GOLGA4: variants seen among roughly 807,000 people sequenced by gnomAD.
The protein encoded by GOLGA4 is golgin subfamily A member 4.
In GOLGA4, 169 loss-of-function variants were observed where a neutral mutation model predicts 265.9. That is an observed-to-expected ratio of 0.64 (90% CI 0.56 to 0.72). GOLGA4 has a LOEUF of 0.72. Among genes scored for constraint, GOLGA4 ranks in the 30% least tolerant of loss-of-function variants. The pLI is 0.00. For synonymous variants in GOLGA4, 923 were observed against 855.8 expected, an observed-to-expected ratio of 1.08 and a Z score of -1.37; for missense variants, 2,482 against 2,483.4, an observed-to-expected ratio of 1.00 and a Z score of 0.01.
At chr3:37,291,149 G>A (rs2096863589) in intron 5 of GOLGA4, among the ~76,000 whole-genome samples, 1 of 152,092 alleles carries the variant, frequency 6.6e-6, no homozygotes, top group African/African-American at 2.4e-5. Flanking sequence ...TAGGCATCAG[G>A]TTTTAATGCC....
rs2096965602 is a variant in GOLGA4, at chr3:37,324,951, A to G, written c.3065A>G (p.Glu1022Gly). 1.2e-6 allele frequency: 2 copies of G among 1,613,474 alleles called. No individual in the cohort carries two copies. The highest frequency in any genetic ancestry group is 1.1e-5 in the South Asian group (1 of 91,024). ...ATCAGTGATGCAGTGTCAAGACTGGAAACAAACCAAAAAGAACAAATAGAA... is the reference window on the plus strand; with the variant it reads ...ATCAGTGATGCAGTGTCAAGACTGGGAACAAACCAAAAAGAACAAATAGAA... ...AGISDAVSRL[E>G]TNQKEQIESL... Residue 1022 changes from glutamate to glycine, a missense_variant, in exon 14 of 24, where the codon GAA becomes GGA. Glu to Gly is a moderately conservative substitution (Grantham distance 98). Transcript: ENST00000361924.
At chr3:37,317,030 A>G (rs537624059) in intron 11 of GOLGA4, among the ~76,000 whole-genome samples, 5 of 152,296 alleles carry the variant, frequency 3.3e-5, no homozygotes, top group African/African-American at 1.2e-4. Context: ...TTGGTAGTTG[A>G]TAATTCATAG....
intron 23 of GOLGA4, among the ~76,000 whole-genome samples, chr3:37,362,800 T>TTTTTTTTTTTTTTTTTTTTG (rs1696426796): frequency 6.9e-6 from 1 of 144,732 alleles, no homozygotes; most frequent in African/African-American, 2.6e-5. Flanking sequence ...TTTTTTTTTT[T>TTTTTTTTTTTTTTTTTTTTG]GAGACGGAGT....
intron 5 of GOLGA4, among the ~76,000 whole-genome samples, chr3:37,291,248 A>G (rs2096863889): frequency 6.6e-6 from 1 of 152,282 alleles, no homozygotes; most frequent in South Asian, 2.1e-4. Flanking sequence ...TAATGTTATT[A>G]TATCTGGAAA....
chr3:37,271,139 T>G (rs1208942295), intron 2 of GOLGA4, among the ~76,000 whole-genome samples: 2 of 152,166 alleles, frequency 1.3e-5, no homozygotes, highest in Non-Finnish European at 2.9e-5. Flanking sequence ...CAGGTGTAAA[T>G]GCACATGAAG....
chr3:37,353,365 A>G (rs1001873124), intron 21 of GOLGA4, among the ~76,000 whole-genome samples: 2 of 152,068 alleles, frequency 1.3e-5, no homozygotes, highest in African/African-American at 4.8e-5. Context: ...ACCAAGAAAC[A>G]GTTTCTGTGA....
At chr3:37,362,686 A>AT (rs1182072090) in intron 23 of GOLGA4, among the ~76,000 whole-genome samples, 13 of 140,352 alleles carry the variant, frequency 9.3e-5, no homozygotes, top group South Asian at 9.0e-4. Flanking sequence ...TAAGGCACCT[A>AT]TTTTTTTATT....
chr3:37,261,539 A>G (rs1262604533), intron 2 of GOLGA4, among the ~76,000 whole-genome samples: 2 of 152,208 alleles, frequency 1.3e-5, no homozygotes, highest in Non-Finnish European at 2.9e-5. Context: ...TCTTCCAAGT[A>G]TGGTATGAAA....
intron 2 of GOLGA4, among the ~76,000 whole-genome samples, chr3:37,256,747 CATGTG>C (rs1426776096): frequency 1.3e-5 from 2 of 152,010 alleles, no homozygotes; most frequent in African/African-American, 2.4e-5. Context: ...TTTAGAGCAA[CATGTG>C]ATGTAGGATC....
intron 1 of GOLGA4, among the ~76,000 whole-genome samples, chr3:37,251,097 A>G (rs1409399114): frequency 6.6e-6 from 1 of 152,138 alleles, no homozygotes; most frequent in Admixed American, 6.5e-5. Context: ...TTTCTCTAAT[A>G]TTATCATCTT....
At chr3:37,315,364 T>A in intron 10 of GOLGA4, 56 bp from the exon 11 acceptor site, 1 of 1,455,984 alleles carries the variant, frequency 6.9e-7, no homozygotes, top group East Asian at 2.3e-5. Context: ...TGTAAAACAC[T>A]TTAGCTCAAT....
At chr3:37,322,515 T>G (rs1024716566) in intron 13 of GOLGA4, among the ~76,000 whole-genome samples, 5 of 152,182 alleles carry the variant, frequency 3.3e-5, no homozygotes, top group Admixed American at 2.6e-4. Flanking sequence ...AGTAAAACAG[T>G]CATACTTCTT....
intron 10 of GOLGA4, among the ~76,000 whole-genome samples, chr3:37,310,003 A>G (rs1357197740): frequency 3.3e-5 from 5 of 152,194 alleles, no homozygotes; most frequent in Admixed American, 3.3e-4. Context: ...TTTGCATTTC[A>G]TTCATTTTGT....
rs781529814 is a variant in GOLGA4 at position 37,324,965 on chromosome 3, G to C, written c.3079G>C (p.Glu1027Gln). 1 of 1,613,304 alleles carries C rather than the reference G, an allele frequency of 6.2e-7. No individual in the cohort carries two copies. The highest frequency in any genetic ancestry group is 8.5e-7 in the Non-Finnish European group (1 of 1,179,666). The change falls in exon 14 of 24, where the codon GAA (glutamate) becomes CAA (glutamine). Residue 1027 changes from glutamate to glutamine, a missense_variant. By Grantham distance (29) the Glu-to-Gln change is conservative (BLOSUM62 2). Transcript: ENST00000361924. Reference protein sequence around the residue: ...AVSRLETNQKEQIESLTEVHR... With the variant: ...AVSRLETNQKQQIESLTEVHR... ...GTCAAGACTGGAAACAAACCAAAAA[G>C]AACAAATAGAAAGTCTTACTGAGGT... is the stretch of plus-strand genomic sequence containing the variant.
At chr3:37,336,810 GAGAA>G (rs948039040) in intron 17 of GOLGA4, among the ~76,000 whole-genome samples, 19 of 151,084 alleles carry the variant, frequency 1.3e-4, no homozygotes, top group African/African-American at 4.1e-4. Flanking sequence ...GAAAGAAAGA[GAGAA>G]AGAGAGAGAA....
intron 19 of GOLGA4, 137 bp downstream of exon 19, chr3:37,337,871 GT>G: frequency 3.4e-6 from 2 of 593,588 alleles, no homozygotes; most frequent in African/African-American, 1.9e-5. Flanking sequence ...AAATCCAAAG[GT>G]ACTAGAGGTT....
At chr3:37,334,968 T>A (rs2097004981) in intron 16 of GOLGA4, 85 bp from the exon 17 acceptor site, 3 of 726,310 alleles carry the variant, frequency 4.1e-6, no homozygotes, top group Non-Finnish European at 6.9e-6. Flanking sequence ...CCATGTTGCC[T>A]CTCCAGAGTG....
Position 37,299,146 on chromosome 3 carries a change from A to G in GOLGA4, c.1002+126A>G, listed in dbSNP as rs891566521. On this transcript the variant is annotated intron_variant, in intron 8 of 23. Coordinates refer to ENST00000361924, the MANE Select transcript of GOLGA4 (RefSeq NM_002078.5). ...AGGGCATTTTTGTTTGCCCTGGCCT[A>G]CATAACACCAAACCTTGAGACTTAC... 4.3e-6 allele frequency: 4 copies of G among 929,788 alleles called. No individual in the cohort carries two copies. The South Asian group carries it at 6.7e-5, about 16-fold the overall frequency. The allele number at this position is 929,788 out of a possible 1,614,324, so 57.6% of individuals were successfully genotyped here. A position where few individuals can be genotyped will look rare whatever the true frequency, so the allele number is the denominator to read the frequency against.
chr3:37,249,479 A>G (rs545816876), intron 1 of GOLGA4, among the ~76,000 whole-genome samples: 16 of 152,072 alleles, frequency 1.1e-4, no homozygotes, highest in African/African-American at 2.7e-4. Context: ...TAGTGGTGCA[A>G]TCTTGGCTCA....
Sources: allele counts gnomAD v4.1 joint callset (sites outside exome capture counted in the v4.1 genomes callset), GRCh38; gene constraint gnomAD v4.1.1; transcripts MANE v1.5; gene names NCBI Gene and HGNC (gene_info 2026-07-23, HGNC 2026-07-21).